Variants in SHROOM3 observed in about 807,000 individuals in gnomAD.
SHROOM3 encodes the protein protein Shroom3.
In SHROOM3, 47 loss-of-function variants were observed where a neutral mutation model predicts 138.6. The observed-to-expected ratio is 0.34, with a 90% CI of 0.27 to 0.43. SHROOM3 has a LOEUF of 0.43. Ranked by LOEUF, SHROOM3 falls within the 20% of genes least tolerant of loss-of-function variation. The pLI, the probability that SHROOM3 is intolerant of heterozygous loss-of-function variation, is 1.00. For missense variants in SHROOM3, 2,491 were observed against 2,596.5 expected, an observed-to-expected ratio of 0.96 and a Z score of 0.88; for synonymous variants, 1,062 against 1,063.3, an observed-to-expected ratio of 1.00 and a Z score of 0.02.
intron 1 of SHROOM3, among the ~76,000 whole-genome samples, chr4:76,541,860 A>C (rs1412133575): frequency 6.6e-6 from 1 of 152,122 alleles, no homozygotes; most frequent in Non-Finnish European, 1.5e-5. Context: ...TTGTCTGTCA[A>C]TCCTGTTTGC....
At chr4:76,595,441 C>T (rs551833251) in intron 2 of SHROOM3, among the ~76,000 whole-genome samples, 1 of 152,314 alleles carries the variant, frequency 6.6e-6, no homozygotes, top group Admixed American at 6.5e-5. Context: ...TGATTTTCTT[C>T]CTTACATTTG....
At chr4:76,604,671 G>T (rs1577913326) in intron 2 of SHROOM3, among the ~76,000 whole-genome samples, 1 of 152,200 alleles carries the variant, frequency 6.6e-6, no homozygotes, top group South Asian at 2.1e-4. Flanking sequence ...GTTGATAATT[G>T]TTAGACAATG....
chr4:76,724,389 T>C (rs1043135487), intron 3 of SHROOM3, among the ~76,000 whole-genome samples: 1 of 152,202 alleles, frequency 6.6e-6, no homozygotes, highest in Non-Finnish European at 1.5e-5. Flanking sequence ...ATTAAATGTT[T>C]CGCATCATTG....
At chr4:76,508,885 T>C (rs537753674) in intron 1 of SHROOM3, among the ~76,000 whole-genome samples, 93 of 152,330 alleles carry the variant, frequency 6.1e-4, no homozygotes, top group South Asian at 4.1e-3. Context: ...ATTCAGTATC[T>C]GGTGAGGGCT....
Position 76,756,508 on chromosome 4 carries a change from A to G in SHROOM3, c.4769A>G (p.His1590Arg). The G allele has an allele frequency of 1.9e-6, 3 of 1,613,314 alleles. No homozygotes were observed. The highest frequency in any genetic ancestry group is 2.5e-6 in the Non-Finnish European group (3 of 1,179,958). Reference sequence around the variant, plus strand: ...GAAAGGCACATGCCTGGTGCAGCCCATGTGGTAGGTAGTCAGACACTGGCT... The same window carrying G: ...GAAAGGCACATGCCTGGTGCAGCCCGTGTGGTAGGTAGTCAGACACTGGCT... ...ARERHMPGAA[H>R]VVGSQTLASR... The change falls in exon 8 of 11, where the codon CAT becomes CGT. Residue 1590 changes from histidine to arginine, a missense_variant. Physicochemically the swap from His to Arg is conservative, Grantham distance 29 (BLOSUM62 0). This residue lies in a region of SHROOM3 where 470 missense variants were observed against 595.0 expected (regional missense o/e 0.79). Coordinates refer to ENST00000296043, the MANE Select transcript of SHROOM3 (RefSeq NM_020859.4).
chr4:76,645,213 A>G (rs1017576256), intron 2 of SHROOM3: 4 of 152,198 alleles, frequency 2.6e-5, no homozygotes, highest in Non-Finnish European at 5.9e-5. Flanking sequence ...GATAAGCCCT[A>G]CCACTTATCT....
At chr4:76,452,488 A>C (rs1392860023) in intron 1 of SHROOM3, among the ~76,000 whole-genome samples, 1 of 152,194 alleles carries the variant, frequency 6.6e-6, no homozygotes, top group Non-Finnish European at 1.5e-5. Flanking sequence ...ATCATACAAT[A>C]TTTGTTCTTT....
At chr4:76,519,241 G>T (rs1193395532) in intron 1 of SHROOM3, among the ~76,000 whole-genome samples, 1 of 152,094 alleles carries the variant, frequency 6.6e-6, no homozygotes, top group East Asian at 1.9e-4. Flanking sequence ...AGAAAGGAGG[G>T]TGCTGGATAA....
At chr4:76,513,042 C>T (rs11733888) in intron 1 of SHROOM3, among the ~76,000 whole-genome samples, 44,552 of 152,020 alleles carry the variant, frequency 0.29, 7,348 homozygotes, top group African/African-American at 0.43. Context: ...GGTGCTAAGT[C>T]ACCCTCCACA....
intron 1 of SHROOM3, among the ~76,000 whole-genome samples, chr4:76,450,332 T>C (rs934200477): frequency 3.9e-5 from 6 of 152,186 alleles, no homozygotes; most frequent in African/African-American, 1.4e-4. Context: ...AGATGGCCAT[T>C]TCTTAAAATA....
At chr4:76,540,480 T>C (rs1733075509) in intron 1 of SHROOM3, among the ~76,000 whole-genome samples, 1 of 152,196 alleles carries the variant, frequency 6.6e-6, no homozygotes, top group Non-Finnish European at 1.5e-5. Context: ...TGGAAAACTT[T>C]AGGAAACAAA....
chr4:76,660,244 C>T (rs1213557101), intron 2 of SHROOM3, among the ~76,000 whole-genome samples: 1 of 152,270 alleles, frequency 6.6e-6, no homozygotes, highest in Non-Finnish European at 1.5e-5. Flanking sequence ...GAGCCCTTTG[C>T]AGGACTATCT....
At chr4:76,440,262 T>A (rs1315396774) in intron 1 of SHROOM3, among the ~76,000 whole-genome samples, 1 of 152,214 alleles carries the variant, frequency 6.6e-6, no homozygotes. Context: ...CAATGTTATA[T>A]GTGGGACACG....
intron 1 of SHROOM3, among the ~76,000 whole-genome samples, chr4:76,552,067 T>C (rs1222426668): frequency 4.0e-5 from 6 of 148,710 alleles, no homozygotes; most frequent in South Asian, 2.2e-4. Flanking sequence ...TTCACCGTGT[T>C]AGCCAGGATG....
rs144663976 is a variant in SHROOM3, at chr4:76,540,045, G to T, written c.169-15564G>T. On this transcript the variant is annotated intron_variant, in intron 1 of 10. Coordinates refer to ENST00000296043, the MANE Select transcript of SHROOM3 (RefSeq NM_020859.4). ...GTATTTTTAGCTGAGACAGGGTTTC[G>T]CCATGTTGGCCTGGCTGGTCTTGAA... 5.3e-3 allele frequency among the ~76,000 whole-genome samples: 809 copies of T among 152,260 alleles called. 9 individuals are homozygous for T. The highest frequency in any genetic ancestry group is 0.018 in the African/African-American group (747 of 41,546).
At chr4:76,513,618 A>G (rs764609175) in intron 1 of SHROOM3, among the ~76,000 whole-genome samples, 1 of 152,114 alleles carries the variant, frequency 6.6e-6, no homozygotes, top group Non-Finnish European at 1.5e-5. Flanking sequence ...CTGGCTGGAA[A>G]ATAATACTTC....
intron 6 of SHROOM3, 89 bp downstream of exon 6, chr4:76,749,179 G>C: frequency 7.9e-7 from 1 of 1,259,358 alleles, no homozygotes; most frequent in Non-Finnish European, 1.2e-6. Context: ...ATTGAAATGT[G>C]ATGTCATATA....
At chr4:76,466,261 G>A (rs909263791) in intron 1 of SHROOM3, among the ~76,000 whole-genome samples, 2 of 152,158 alleles carry the variant, frequency 1.3e-5, no homozygotes, top group Non-Finnish European at 2.9e-5. Context: ...CCTAAGTGAA[G>A]CCATGATGGA....
chr4:76,489,891 A>T (rs1731814495), intron 1 of SHROOM3, among the ~76,000 whole-genome samples: 1 of 152,222 alleles, frequency 6.6e-6, no homozygotes. Context: ...CAGCAAAGCA[A>T]AGAAAGAATG....
Sources: allele counts gnomAD v4.1 joint callset (sites outside exome capture counted in the v4.1 genomes callset), GRCh38; gene constraint gnomAD v4.1.1; regional missense constraint gnomAD v4.1.1; transcripts MANE v1.5; gene names NCBI Gene and HGNC (gene_info 2026-07-23, HGNC 2026-07-21).